Variants in DAW1 observed in about 807,000 individuals in gnomAD.
DAW1 encodes dynein assembly factor with WD repeat domains 1.
In DAW1, 47 loss-of-function variants were observed where a neutral mutation model predicts 56.5. That is an observed-to-expected ratio of 0.83 (90% confidence interval 0.66 to 1.06). The LOEUF is 1.06. DAW1 is among the 50% of genes least tolerant of loss of function. The probability of loss-of-function intolerance (pLI) is 0.00; values close to 1 mark genes in which losing one functional copy is unlikely to be tolerated. For synonymous variants in DAW1, 190 were observed against 179.0 expected (o/e 1.06, Z -0.49); for missense variants, 505 against 499.3 (o/e 1.01, Z -0.11).
chr2:227,886,165 T>C (rs1308376273), intron 2 of DAW1, among the ~76,000 whole-genome samples: 1 of 152,144 alleles, frequency 6.6e-6, no homozygotes, highest in Non-Finnish European at 1.5e-5. Flanking sequence ...TGTTATTTTC[T>C]TATTAAATAC....
intron 10 of DAW1, among the ~76,000 whole-genome samples, chr2:227,907,455 G>T (rs1011543714): frequency 1.3e-5 from 2 of 152,140 alleles, no homozygotes; most frequent in Non-Finnish European, 2.9e-5. Flanking sequence ...TGCAATGTCT[G>T]TGTCACCTCC....
In DAW1 at chr2:227,881,418, G is replaced by A. The variant is rs191548007; in HGVS notation, c.41-3933G>A. Among the ~76,000 whole-genome samples the A allele has an allele frequency of 5.8e-4, 89 of 152,316 alleles. No homozygotes were observed. In the East Asian group the frequency reaches 0.016, roughly 27 times the overall value. On this transcript the variant is annotated intron_variant, in intron 1 of 12. Transcript: ENST00000309931. ...CTTGCCCTGAGAAGGGTCTTTTTGG[G>A]AATATAGGGAAGCATATAGCATGGA...
chr2:227,902,577 T>C (rs745793704), intron 6 of DAW1, among the ~76,000 whole-genome samples: 2 of 152,030 alleles, frequency 1.3e-5, no homozygotes, highest in African/African-American at 2.4e-5. Context: ...ACTGGATGGA[T>C]TGCCCACGTG....
intron 1 of DAW1, among the ~76,000 whole-genome samples, chr2:227,874,195 G>C (rs1690821033): frequency 6.6e-6 from 1 of 152,060 alleles, no homozygotes; most frequent in African/African-American, 2.4e-5. Flanking sequence ...TGAGCTCTGG[G>C]TTCAGAATAA....
rs116334329 is a variant in DAW1, at chr2:227,904,988, G to A, written c.708G>A (p.Thr236=). The change falls in exon 8 of 13, where the codon ACG becomes ACA. Residue 236 remains threonine, a synonymous_variant. Transcript: ENST00000309931. The part of the protein sequence containing the change: ...SFNTSGDRII[T]GSFDHTVVVW... ...ACACCTCAGGAGACAGAATCATCAC[G>A]GGGTCTTTTGATCATACCGTTGTAG... The A allele has an allele frequency of 2.9e-5, 47 of 1,613,656 alleles. No individual in the cohort carries two copies. Among genetic ancestry groups the A allele is most frequent in the Admixed American group, 5.0e-5 (3 of 59,992 alleles).
intron 12 of DAW1, among the ~76,000 whole-genome samples, chr2:227,921,798 G>T (rs1267635965): frequency 2.6e-5 from 4 of 152,156 alleles, no homozygotes; most frequent in Non-Finnish European, 5.9e-5. Context: ...ATTTGCTCTA[G>T]ATAAGGTAAC....
chr2:227,912,721 A>T (rs1364577397), intron 10 of DAW1, among the ~76,000 whole-genome samples: 3 of 152,072 alleles, frequency 2.0e-5, no homozygotes, highest in African/African-American at 4.8e-5. Flanking sequence ...CCTGTTAATC[A>T]TGTAGGATGG....
chr2:227,921,645 C>T, intron 12 of DAW1, 84 bp downstream of exon 12: 1 of 1,402,632 alleles, frequency 7.1e-7, no homozygotes, highest in Non-Finnish European at 9.7e-7. Flanking sequence ...AGGAGTTCAT[C>T]CCCATTCCCT....
At chr2:227,895,739 C>T (rs1691390717) in intron 5 of DAW1, 1 of 152,136 alleles carries the variant, frequency 6.6e-6, no homozygotes, top group Non-Finnish European at 1.5e-5. Flanking sequence ...TAAACTCTGT[C>T]CTGTGGGACC....
intron 5 of DAW1, among the ~76,000 whole-genome samples, chr2:227,894,216 C>T (rs532229811): frequency 4.6e-5 from 7 of 152,154 alleles, no homozygotes; most frequent in Non-Finnish European, 7.4e-5. Context: ...GCCTGGCCAA[C>T]GTGGTGAAAC....
intron 5 of DAW1, 81 bp downstream of exon 5, chr2:227,893,998 A>T (rs1691345911): frequency 1.4e-6 from 2 of 1,411,486 alleles, no homozygotes; most frequent in Non-Finnish European, 1.9e-6. Flanking sequence ...GGAAGAAGAC[A>T]AGAGGTCTAA....
At chr2:227,880,713 G>A (rs991772619) in intron 1 of DAW1, among the ~76,000 whole-genome samples, 1 of 152,176 alleles carries the variant, frequency 6.6e-6, no homozygotes, top group Non-Finnish European at 1.5e-5. Flanking sequence ...CAGCAAGACA[G>A]GGTTGAGAAA....
At chr2:227,894,730 G>A (rs1281572931) in intron 5 of DAW1, among the ~76,000 whole-genome samples, 2 of 152,184 alleles carry the variant, frequency 1.3e-5, no homozygotes, top group Admixed American at 1.3e-4. Flanking sequence ...TAATGAACAG[G>A]AGATTGCACA....
At chr2:227,923,726 T>C (rs1692160745) in intron 12 of DAW1, among the ~76,000 whole-genome samples, 1 of 151,688 alleles carries the variant, frequency 6.6e-6, no homozygotes. Context: ...CTGCTTAATT[T>C]ACAACTAGCT....
intron 10 of DAW1, among the ~76,000 whole-genome samples, chr2:227,911,199 C>A (rs1691806004): frequency 1.1e-5 from 1 of 88,626 alleles, no homozygotes; most frequent in Non-Finnish European, 2.7e-5. Flanking sequence ...TATACACATA[C>A]ATATATATGT....
intron 9 of DAW1, 102 bp from the exon 10 acceptor site, chr2:227,907,036 T>G (rs2106206906): frequency 1.4e-6 from 1 of 716,834 alleles, no homozygotes; most frequent in East Asian, 2.7e-5. Context: ...GCACAGTTAT[T>G]TAACCAGCCA....
At chr2:227,874,877 C>T (rs1470337923) in intron 1 of DAW1, among the ~76,000 whole-genome samples, 2 of 152,040 alleles carry the variant, frequency 1.3e-5, no homozygotes, top group African/African-American at 2.4e-5. Context: ...GCAGGAGAAT[C>T]GCTTGAATCT....
chr2:227,913,881 A>G (rs572875898), intron 10 of DAW1, among the ~76,000 whole-genome samples: 40 of 120,502 alleles, frequency 3.3e-4, no homozygotes, highest in African/African-American at 7.4e-4. Flanking sequence ...ATATCTATCT[A>G]TCTGTCTGTC....
In DAW1 at chr2:227,885,441, T is replaced by C. The variant is rs1414814418; in HGVS notation, c.113+18T>C. 1.9e-6 allele frequency: 3 copies of C among 1,582,070 alleles called. No individual in the cohort carries two copies. The highest frequency in any genetic ancestry group is 2.6e-6 in the Non-Finnish European group (3 of 1,164,662). On this transcript the variant is annotated intron_variant, in intron 2 of 12. Transcript: ENST00000309931. ...GGTCCCAGGTAAGTAAGCTGTAGGA[T>C]TCAACAAATAAATGTTCACTGGGAA...
Sources: gnomAD v4.1 joint callset for allele counts (sites outside exome capture counted in the v4.1 genomes callset) on GRCh38, gnomAD v4.1.1 for gene constraint, MANE v1.5 for transcripts, NCBI Gene and HGNC (gene_info 2026-07-23, HGNC 2026-07-21) for gene names.